Variants in DAB1 observed in about 807,000 individuals in gnomAD.
DAB1 encodes DAB adaptor protein 1.
A neutral mutation model predicts 64.6 loss-of-function variants in DAB1; 15 were observed. The observed-to-expected ratio is 0.23, with a 90% confidence interval of 0.16 to 0.36. DAB1 has a LOEUF of 0.36. DAB1 is among the 10% of genes least tolerant of loss of function. DAB1 has a pLI of 1.00. For missense variants in DAB1, 596 were observed against 706.7 expected (o/e 0.84, Z 1.78); for synonymous variants, 235 against 251.9 (o/e 0.93, Z 0.64).
intron 3 of DAB1, among the ~76,000 whole-genome samples, chr1:58,397,022 A>G (rs1190853964): frequency 6.6e-6 from 1 of 151,516 alleles, no homozygotes; most frequent in Admixed American, 6.6e-5. Flanking sequence ...CCGAGATCGC[A>G]CTACTGCACT....
chr1:57,077,360 A>G (rs1368286896), intron 4 of DAB1, among the ~76,000 whole-genome samples: 1 of 152,180 alleles, frequency 6.6e-6, no homozygotes, highest in Admixed American at 6.5e-5. Flanking sequence ...CCTTCTGAAC[A>G]GTAAGTGTTA....
At chr1:57,602,653 C>G (rs964839082) in intron 7 of DAB1, among the ~76,000 whole-genome samples, 1 of 152,106 alleles carries the variant, frequency 6.6e-6, no homozygotes, top group African/African-American at 2.4e-5. Context: ...CAGGACCAGG[C>G]TTATAGAAAA....
intron 4 of DAB1, among the ~76,000 whole-genome samples, chr1:58,182,577 C>T (rs1266145343): frequency 4.0e-5 from 6 of 151,782 alleles, no homozygotes; most frequent in African/African-American, 1.5e-4. Flanking sequence ...CTGTTGAGCC[C>T]CTTGAGTAAA....
chr1:57,061,253 C>T (rs1250895757), intron 9 of DAB1, among the ~76,000 whole-genome samples: 1 of 148,424 alleles, frequency 6.7e-6, no homozygotes, highest in African/African-American at 2.5e-5. Flanking sequence ...GTTTCAAGAT[C>T]CTGGAAGAGT....
chr1:58,159,059 T>A (rs545738324), intron 4 of DAB1, among the ~76,000 whole-genome samples: 1 of 152,314 alleles, frequency 6.6e-6, no homozygotes, highest in African/African-American at 2.4e-5. Flanking sequence ...TGAAAGCATG[T>A]CAAGCTCTTG....
intron 4 of DAB1, among the ~76,000 whole-genome samples, chr1:58,176,248 T>TA (rs753616408): frequency 3.7e-4 from 57 of 152,142 alleles, no homozygotes; most frequent in Non-Finnish European, 6.9e-4. Context: ...TATATGCATG[T>TA]AAAAAACAGA....
chr1:57,666,898 G>T (rs575567229), intron 6 of DAB1, among the ~76,000 whole-genome samples: 4 of 151,368 alleles, frequency 2.6e-5, no homozygotes, highest in Admixed American at 2.0e-4. Flanking sequence ...GGGAAGGGGA[G>T]GGGGAGAGAG....
intron 4 of DAB1, among the ~76,000 whole-genome samples, chr1:57,118,208 G>A (rs187200734): frequency 6.6e-6 from 1 of 152,254 alleles, no homozygotes; most frequent in East Asian, 1.9e-4. Context: ...AGCCATGGAA[G>A]GTGTCAACAA....
At chr1:57,107,377 TAAAA>T (rs57669509) in intron 4 of DAB1, among the ~76,000 whole-genome samples, 3,482 of 139,014 alleles carry the variant, frequency 0.025, 104 homozygotes, top group African/African-American at 0.073. Flanking sequence ...TCTGTTTCAT[TAAAA>T]AAAAAAAAAA....
chr1:58,178,931 T>C (rs891472149), intron 4 of DAB1, among the ~76,000 whole-genome samples: 7 of 152,156 alleles, frequency 4.6e-5, no homozygotes, highest in African/African-American at 1.7e-4. Context: ...CACCATTAAG[T>C]ACGACATTAG....
intron 6 of DAB1, among the ~76,000 whole-genome samples, chr1:57,795,015 A>T (rs1048222523): frequency 2.6e-5 from 4 of 152,220 alleles, no homozygotes; most frequent in Non-Finnish European, 5.9e-5. Context: ...CCATCCACCC[A>T]ATCAGTTGAA....
chr1:57,678,830 G>C (rs1178849945), intron 6 of DAB1, among the ~76,000 whole-genome samples: 1 of 144,318 alleles, frequency 6.9e-6, no homozygotes, highest in Non-Finnish European at 1.5e-5. Flanking sequence ...ACAGTGAAGA[G>C]ATCTTGGCTC....
chr1:57,873,895 T>C (rs944238032), intron 1 of DAB1: 11 of 152,292 alleles, frequency 7.2e-5, no homozygotes, highest in African/African-American at 1.4e-4. Flanking sequence ...CTGAATGCCA[T>C]TGGCAGACTG....
chr1:57,482,477 T>TAAAAAAAA (rs918167439), intron 7 of DAB1, among the ~76,000 whole-genome samples: 77 of 61,146 alleles, frequency 1.3e-3, no homozygotes, highest in East Asian at 2.4e-3. Context: ...CTGAAAGTTG[T>TAAAAAAAA]AAAAAAAAAA....
intron 6 of DAB1, among the ~76,000 whole-genome samples, chr1:57,655,093 A>G (rs1436745579): frequency 6.6e-6 from 1 of 152,184 alleles, no homozygotes; most frequent in African/African-American, 2.4e-5. Context: ...TTGTTCCACT[A>G]GTTTTCTATT....
intron 4 of DAB1, among the ~76,000 whole-genome samples, chr1:58,220,561 A>C (rs2100321485): frequency 6.6e-6 from 1 of 152,296 alleles, no homozygotes; most frequent in South Asian, 2.1e-4. Flanking sequence ...AAAAATTTAC[A>C]GATGTGTAAG....
At chr1:57,436,367 C>T (rs760630614) in intron 7 of DAB1, among the ~76,000 whole-genome samples, 4 of 152,124 alleles carry the variant, frequency 2.6e-5, no homozygotes, top group African/African-American at 9.7e-5. Flanking sequence ...CATCATATGA[C>T]GGATCAAACT....
intron 1 of DAB1, among the ~76,000 whole-genome samples, chr1:57,839,266 TA>T (rs1652947490): frequency 6.6e-6 from 1 of 152,126 alleles, no homozygotes; most frequent in Admixed American, 6.5e-5. Flanking sequence ...CTCCATCCTT[TA>T]AAAAATGGAA....
chr1:57,859,587 T>C (rs996773303), intron 1 of DAB1, among the ~76,000 whole-genome samples: 1 of 152,204 alleles, frequency 6.6e-6, no homozygotes, highest in African/African-American at 2.4e-5. Flanking sequence ...CTTCAAAATC[T>C]GAGAACTTTG....
Sources: gnomAD v4.1 joint callset for allele counts (sites outside exome capture counted in the v4.1 genomes callset) on GRCh38, gnomAD v4.1.1 for gene constraint, MANE v1.5 for transcripts, NCBI Gene and HGNC (gene_info 2026-07-23, HGNC 2026-07-21) for gene names.